RP9: variants seen among roughly 807,000 people sequenced by gnomAD.
The protein encoded by RP9 is RP9 pre-mRNA splicing factor.
A neutral mutation model predicts 32.6 loss-of-function variants in RP9; 23 were observed. The ratio of observed to expected loss-of-function variants is 0.71; its 90% CI spans 0.51 to 1.00. The LOEUF (loss-of-function observed/expected upper bound fraction) is 1.00. RP9 is among the 50% of genes least tolerant of loss of function. The pLI is 0.00. For missense variants in RP9, 245 were observed against 285.3 expected, an observed-to-expected ratio of 0.86 and a Z score of 1.02; for synonymous variants, 94 against 103.6, an observed-to-expected ratio of 0.91 and a Z score of 0.56.
intron 3 of RP9, 154 bp downstream of exon 3, chr7:33,099,153 G>A: frequency 2.4e-6 from 2 of 834,018 alleles, no homozygotes; most frequent in South Asian, 2.9e-5. Context: ...ACGGTGGTGG[G>A]GGGTGGGGTG....
chr7:33,109,380 C>G lies in RP9; in HGVS notation c.-8G>C, dbSNP rs1177993782. 5.5e-6 allele frequency: 7 copies of G among 1,268,988 alleles called. No homozygotes were observed. Among genetic ancestry groups the G allele is most frequent in the Non-Finnish European group, 6.0e-6 (6 of 1,002,680 alleles). 78.6% of individuals were successfully genotyped at this position (1,268,988 alleles called of 1,614,324 possible). A position where few individuals can be genotyped will look rare whatever the true frequency, so the allele number is the denominator to read the frequency against. On this transcript the variant is annotated 5_prime_UTR_variant, in exon 1 of 6. Transcript: ENST00000297157. This position sits in a 1 kb window ranked among gnomAD's most constrained non-coding sequence, Gnocchi z 4.9. ...CCCAGGCCGGGACGACATGTCAGCC[C>G]CCGCAGCGCCGCTCGGGCAACCCCC...
At chr7:33,102,761 G>A (rs947617712) in intron 1 of RP9, among the ~76,000 whole-genome samples, 5 of 152,236 alleles carry the variant, frequency 3.3e-5, no homozygotes, top group Non-Finnish European at 7.3e-5. Flanking sequence ...CTGCATCCAA[G>A]GGGCTGCGTG....
intron 2 of RP9, 51 bp downstream of exon 2, chr7:33,100,480 G>A (rs754203184): frequency 7.1e-7 from 1 of 1,417,496 alleles, no homozygotes; most frequent in Admixed American, 1.7e-5. Context: ...AAGTTACTGA[G>A]TCTACAAGTA....
At chr7:33,095,455 A>C (rs1788317026) in intron 5 of RP9, 23 bp from the exon 6 acceptor site, 1 of 1,612,970 alleles carries the variant, frequency 6.2e-7, no homozygotes, top group Non-Finnish European at 8.5e-7. Context: ...AATTGATCAA[A>C]GAACAGTGAG....
intron 1 of RP9, among the ~76,000 whole-genome samples, chr7:33,108,334 A>G (rs1295331644): frequency 6.6e-6 from 1 of 152,238 alleles, no homozygotes; most frequent in South Asian, 2.1e-4. Flanking sequence ...GTTAGAATTT[A>G]GGAAACGCCA....
At chr7:33,099,273 G>A (rs774479838) in intron 3 of RP9, 34 bp downstream of exon 3, 1 of 1,610,854 alleles carries the variant, frequency 6.2e-7, no homozygotes, top group Non-Finnish European at 8.5e-7. Context: ...AGGCATGTAA[G>A]TTGCATGGAT....
chr7:33,098,536 T>C (rs1271999593), intron 3 of RP9, among the ~76,000 whole-genome samples: 1 of 152,134 alleles, frequency 6.6e-6, no homozygotes, highest in African/African-American at 2.4e-5. Flanking sequence ...GATGGACACA[T>C]TTCCAGACTC....
rs1288464127 is a variant in RP9, at chr7:33,099,255, G to A, written c.313+52C>T. 6.3e-6 allele frequency: 10 copies of A among 1,597,932 alleles called. No homozygotes were observed. In the African/African-American group the frequency reaches 1.2e-4, roughly 19 times the overall value. On this transcript the variant is annotated intron_variant, in intron 3 of 5. Transcript: ENST00000297157. ...TAAATAAAAGAAGTAAACACTCTTT[G>A]TAAATTGAGGCATGTAAGTTGCATG...
At position 33,097,282 on chromosome 7, in the gene RP9, G is replaced by A; in HGVS notation, c.394C>T (p.Gln132Ter). The A allele has an allele frequency of 6.2e-7, 1 of 1,611,984 alleles. No individual in the cohort carries two copies. Among genetic ancestry groups the A allele is most frequent in the Non-Finnish European group, 8.5e-7 (1 of 1,178,144 alleles). ...TGGACTTTACTTACCACTCTGAACT[G>A]CTCTAACTTTTGGTTGCCTTTGATA... ...FFIKGNQKLE[Q>*]FRVAHEDPMY... The change falls in exon 4 of 6, where the codon CAG becomes TAG. Residue 132 changes from glutamine to a stop codon, truncating the protein, a stop_gained. Coordinates refer to ENST00000297157, the MANE Select transcript of RP9 (RefSeq NM_203288.2). LOFTEE classifies it high-confidence loss of function.
intron 3 of RP9, 146 bp downstream of exon 3, chr7:33,099,161 G>T: frequency 1.1e-6 from 1 of 902,092 alleles, no homozygotes; most frequent in Non-Finnish European, 1.8e-6. Flanking sequence ...GGGGGGTGGG[G>T]TGGATGCTTC....
In RP9 at chr7:33,109,143, C is replaced by T. The variant is rs772864774; in HGVS notation, c.152+78G>A. 10 of 1,448,938 alleles carry T rather than the reference C, an allele frequency of 6.9e-6. No homozygotes were observed. The highest frequency in any genetic ancestry group is 2.6e-5 in the South Asian group (2 of 77,570). The allele number at this position is 1,448,938 out of a possible 1,614,324, so 89.8% of individuals were successfully genotyped here. A position where few individuals can be genotyped will look rare whatever the true frequency, so the allele number is the denominator to read the frequency against. ...CGGGGGCTCGGAGGACCCGGCCTAG[C>T]GCCCACCGCGGCGTCCCGCGCCCCG... On this transcript the variant is annotated intron_variant, in intron 1 of 5. Coordinates refer to ENST00000297157, the MANE Select transcript of RP9 (RefSeq NM_203288.2). The surrounding 1 kb of genome is among the most constrained non-coding windows in gnomAD (Gnocchi z 4.9).
In RP9 at chr7:33,097,262, T is replaced by G. The variant is rs1343362201; in HGVS notation, c.405+9A>C. The G allele has an allele frequency of 6.3e-7, 1 of 1,597,054 alleles. No homozygotes were observed. The highest frequency in any genetic ancestry group is 8.6e-7 in the Non-Finnish European group (1 of 1,164,500). ...TAAATGTAAATTGACACTCTTGGAC[T>G]TTACTTACCACTCTGAACTGCTCTA... On this transcript the variant is annotated intron_variant, in intron 4 of 5. Coordinates refer to ENST00000297157, the MANE Select transcript of RP9 (RefSeq NM_203288.2).
chr7:33,101,598 T>C (rs1279922560), intron 1 of RP9, among the ~76,000 whole-genome samples: 1 of 105,706 alleles, frequency 9.5e-6, no homozygotes, highest in Non-Finnish European at 2.0e-5. Context: ...TGAGACTCTG[T>C]CTTAAAAAAA....
At chr7:33,108,634 G>A (rs1322649122) in intron 1 of RP9, among the ~76,000 whole-genome samples, 2 of 152,126 alleles carry the variant, frequency 1.3e-5, no homozygotes, top group Non-Finnish European at 2.9e-5. Flanking sequence ...TCGCCTGAGC[G>A]CCTCATCGGG....
In RP9 at chr7:33,094,814, G is replaced by A. The variant is rs79133824; in HGVS notation, c.*420C>T. ...ACATTCCATTTAAAAAATAAATAAT[G>A]AGCTTTTATTATTCTCAACAACAGA... On this transcript the variant is annotated 3_prime_UTR_variant, in exon 6 of 6. Transcript: ENST00000297157. The A allele has an allele frequency of 5.5e-6, 1 of 182,984 alleles. No individual in the cohort carries two copies. Among genetic ancestry groups the A allele is most frequent in the African/African-American group, 2.4e-5 (1 of 42,456 alleles). The allele number at this position is 182,984 out of a possible 1,614,324, so 11.3% of individuals were successfully genotyped here.
chr7:33,104,631 T>G (rs1343760823), intron 1 of RP9, among the ~76,000 whole-genome samples: 2 of 152,202 alleles, frequency 1.3e-5, no homozygotes, highest in African/African-American at 4.8e-5. Context: ...TTTTGGAAGC[T>G]AGAAGATAGT....
At chr7:33,097,733 T>C (rs945947685) in intron 3 of RP9, among the ~76,000 whole-genome samples, 1 of 152,026 alleles carries the variant, frequency 6.6e-6, no homozygotes, top group Non-Finnish European at 1.5e-5. Flanking sequence ...TATTCTTCTA[T>C]TTCAGCCTCC....
intron 5 of RP9, among the ~76,000 whole-genome samples, chr7:33,096,283 C>G (rs1788333120): frequency 6.6e-6 from 1 of 152,190 alleles, no homozygotes; most frequent in African/African-American, 2.4e-5. Flanking sequence ...TGGACCAAGC[C>G]CATGGCTTTA....
chr7:33,096,657 C>A, intron 4 of RP9, 103 bp from the exon 5 acceptor site: 1 of 820,158 alleles, frequency 1.2e-6, no homozygotes, highest in African/African-American at 1.7e-5. Flanking sequence ...TTTTTTTTTA[C>A]TGTTTGATGT....
Sources: gnomAD v4.1 joint callset for allele counts (sites outside exome capture counted in the v4.1 genomes callset) on GRCh38, gnomAD v4.1.1 for gene constraint, Gnocchi (gnomAD v3.1) non-coding constraint, MANE v1.5 for transcripts, NCBI Gene and HGNC (gene_info 2026-07-23, HGNC 2026-07-21) for gene names.